Variants in RTN4 observed in about 807,000 individuals in gnomAD.
RTN4 encodes reticulon-4.
A neutral mutation model predicts 90.4 loss-of-function variants in RTN4; 32 were observed. The ratio of observed to expected loss-of-function variants is 0.35; its 90% confidence interval spans 0.27 to 0.48. The LOEUF (loss-of-function observed/expected upper bound fraction) is 0.48, where lower values mean the gene tolerates loss of function less well. Ranked by LOEUF, RTN4 falls within the 20% of genes least tolerant of loss-of-function variation. RTN4 has a pLI of 0.99. For synonymous variants in RTN4, 629 were observed against 552.5 expected, an observed-to-expected ratio of 1.14 and a Z score of -1.94; for missense variants, 1,706 against 1,430.2, an observed-to-expected ratio of 1.19 and a Z score of -3.11.
intron 2 of RTN4, among the ~76,000 whole-genome samples, chr2:55,071,310 G>A (rs572721559): frequency 2.0e-5 from 3 of 151,920 alleles, no homozygotes; most frequent in Non-Finnish European, 4.4e-5. Flanking sequence ...TCTCAAATGG[G>A]AGCAATAGTA....
upstream of RTN4, among the ~76,000 whole-genome samples, chr2:55,053,686 C>CA (rs1379336082): frequency 7.3e-4 from 64 of 87,650 alleles, no homozygotes; most frequent in Middle Eastern, 7.4e-3. Flanking sequence ...AACTCCATCT[C>CA]AAAAAAAAAC....
intron 2 of RTN4, among the ~76,000 whole-genome samples, chr2:55,079,337 T>C (rs1270731757): frequency 6.6e-6 from 1 of 152,204 alleles, no homozygotes; most frequent in Non-Finnish European, 1.5e-5. Context: ...CTTCTACTTA[T>C]TGGAAGGACA....
chr2:55,001,256 C>G (rs6545466), intron 3 of RTN4, among the ~76,000 whole-genome samples: 1 of 151,940 alleles, frequency 6.6e-6, no homozygotes, highest in Non-Finnish European at 1.5e-5. Flanking sequence ...TGAGAACAAA[C>G]GGCCTTTACA....
At chr2:55,045,969 C>G (rs988591236) in intron 1 of RTN4, among the ~76,000 whole-genome samples, 1 of 152,196 alleles carries the variant, frequency 6.6e-6, no homozygotes, top group African/African-American at 2.4e-5. Context: ...AAAAATGGCC[C>G]TCAAGTGAGA....
rs1275795542 is a variant in RTN4 at position 55,050,404 on chromosome 2, G to C, written c.-104C>G. 1 of 616,710 alleles carries C rather than the reference G, an allele frequency of 1.6e-6. No individual in the cohort carries two copies. The highest frequency in any genetic ancestry group is 2.5e-6 in the Non-Finnish European group (1 of 398,510). The allele number at this position is 616,710 out of a possible 1,614,324, so 38.2% of individuals were successfully genotyped here. On this transcript the variant is annotated 5_prime_UTR_variant, in exon 1 of 9. Coordinates refer to ENST00000337526, the MANE Select transcript of RTN4 (RefSeq NM_020532.5). The surrounding 1 kb of genome is among the most constrained non-coding windows in gnomAD (Gnocchi z 4.6). ...GGTTGGGGAGGACTGAGAGGGGCTG[G>C]GCCGACTGAGCCGAGGGACCTACTG...
rs1308654954 is a variant in RTN4 at position 55,081,868 on chromosome 2, A to AAAAG, written c.-213-1230_-213-1229insCTTT. Among the ~76,000 whole-genome samples, 136 of 151,714 alleles carry AAAAG rather than the reference A, an allele frequency of 9.0e-4. 1 individual carries two copies. Among genetic ancestry groups the AAAAG allele is most frequent in the South Asian group, 4.6e-3 (22 of 4,798 alleles). On this transcript the variant is annotated intron_variant, in intron 1 of 3. Transcript: ENST00000427710. ...ACAGAGCCAGACCCTGTCTCAAAAAAAAAAAAAAAAAAATGAGTGAGAGAG... is the reference window on the plus strand; with the variant it reads ...ACAGAGCCAGACCCTGTCTCAAAAAAAAAGAAAAAAAAAAAAATGAGTGAGAGAG...
chr2:55,008,142 A>AACACACACACACACACACACACACAC (rs200633765), intron 3 of RTN4, among the ~76,000 whole-genome samples: 1 of 145,030 alleles, frequency 6.9e-6, no homozygotes, highest in African/African-American at 2.6e-5. Flanking sequence ...TCGGCAAGCA[A>AACACACACACACACACACACACACAC]ACACACACAC....
chr2:54,996,517 C>T (rs530279032), intron 3 of RTN4, among the ~76,000 whole-genome samples: 3 of 152,160 alleles, frequency 2.0e-5, no homozygotes, highest in Admixed American at 2.0e-4. Context: ...CAACTGATAA[C>T]CCAGAAATAA....
chr2:55,011,524 A>C (rs1680639622), intron 3 of RTN4, among the ~76,000 whole-genome samples: 1 of 152,222 alleles, frequency 6.6e-6, no homozygotes, highest in East Asian at 1.9e-4. Flanking sequence ...GCAATTTGCG[A>C]AAATACTATA....
At chr2:55,049,138 C>G in intron 1 of RTN4, 1 of 985,936 alleles carries the variant, frequency 1.0e-6, no homozygotes, top group Non-Finnish European at 1.2e-6. Context: ...TCTCCCTTCA[C>G]TGCGGTTGGG....
Position 55,011,930 on chromosome 2 carries a change from CCGGT to C in RTN4, c.3013+13152_3013+13155del, listed in dbSNP as rs1680674038. On this transcript the variant is annotated intron_variant, in intron 3 of 8. Coordinates refer to ENST00000337526, the MANE Select transcript of RTN4 (RefSeq NM_020532.5). ...CCTGCATAATGTGATATTTGAGAAC[CCGGT>C]CAGCAAGCCATATCATGGCCTGAAA... Among the ~76,000 whole-genome samples, 4 of 152,234 alleles carry C rather than the reference CCGGT, an allele frequency of 2.6e-5. No individual in the cohort carries two copies. In the South Asian group the frequency reaches 8.3e-4, roughly 32 times the overall value.
At position 54,994,248 on chromosome 2, in the gene RTN4, A is replaced by G. The variant is rs566593808; in HGVS notation, c.3014-6550T>C. On this transcript the variant is annotated intron_variant, in intron 3 of 8. Coordinates refer to ENST00000337526, the MANE Select transcript of RTN4 (RefSeq NM_020532.5). ...TAACTTAGAAGTTTGTTCAATCCTG[A>G]TACCAAAATCAGACAAAGACATCAC... 3.3e-5 allele frequency among the ~76,000 whole-genome samples: 5 copies of G among 152,324 alleles called. No individual in the cohort carries two copies. In the South Asian group the frequency reaches 1.0e-3, roughly 32 times the overall value.
intron 1 of RTN4, among the ~76,000 whole-genome samples, chr2:55,088,072 A>C (rs1322180302): frequency 6.6e-6 from 1 of 152,316 alleles, no homozygotes; most frequent in Middle Eastern, 3.4e-3. Context: ...ATGTCAGAAG[A>C]CCCTGAGGAA....
the RTN4 span, among the ~76,000 whole-genome samples, chr2:55,120,078 T>G: frequency 2.0e-4 from 30 of 152,332 alleles, no homozygotes; most frequent in African/African-American, 7.2e-4. Flanking sequence ...CCCACGGCAC[T>G]GAGAGGTGGG....
chr2:55,116,583 C>T (rs1271082001), upstream of RTN4, among the ~76,000 whole-genome samples: 1 of 152,170 alleles, frequency 6.6e-6, no homozygotes, highest in Non-Finnish European at 1.5e-5. Flanking sequence ...ATGCTAAGCA[C>T]TTTACGAGCA....
upstream of RTN4, among the ~76,000 whole-genome samples, chr2:55,117,241 G>A (rs1301289384): frequency 6.6e-6 from 1 of 152,222 alleles, no homozygotes; most frequent in Non-Finnish European, 1.5e-5. Context: ...AGACATGTGA[G>A]ACCTTGAAAT....
intron 1 of RTN4, among the ~76,000 whole-genome samples, chr2:55,086,079 CTG>C (rs1247690491): frequency 6.6e-6 from 1 of 152,192 alleles, no homozygotes; most frequent in Non-Finnish European, 1.5e-5. Context: ...CACATGGACA[CTG>C]TGAACAGAAG....
intron 1 of RTN4, among the ~76,000 whole-genome samples, chr2:55,037,804 A>T (rs1234483662): frequency 6.6e-6 from 1 of 152,214 alleles, no homozygotes; most frequent in Admixed American, 6.5e-5. Flanking sequence ...CTGATTCTGA[A>T]ATTTATGCAG....
intron 3 of RTN4, chr2:55,010,225 C>A: frequency 6.3e-7 from 1 of 1,584,456 alleles, no homozygotes; most frequent in Non-Finnish European, 8.5e-7. Flanking sequence ...TACCCGTTTC[C>A]TCAACCGAAG....
Sources: gnomAD v4.1 joint callset for allele counts (sites outside exome capture counted in the v4.1 genomes callset) on GRCh38, gnomAD v4.1.1 for gene constraint, Gnocchi (gnomAD v3.1) non-coding constraint, MANE v1.5 for transcripts, NCBI Gene and HGNC (gene_info 2026-07-23, HGNC 2026-07-21) for gene names.